The following SNTG2 variants were observed in gnomAD, a reference collection of about 807,000 sequenced individuals.
SNTG2 encodes gamma-2-syntrophin.
Under a neutral mutation model 70.9 loss-of-function variants are expected in SNTG2, and 74 were observed. The ratio of observed to expected loss-of-function variants is 1.04; its 90% CI spans 0.86 to 1.27. The LOEUF (loss-of-function observed/expected upper bound fraction) is 1.27, where lower values mean the gene tolerates loss of function less well. Ranked by LOEUF, SNTG2 falls within the 50% of genes most tolerant of loss-of-function variation. The pLI is 0.00. For missense variants in SNTG2, 717 were observed against 690.7 expected (o/e 1.04, Z -0.43); for synonymous variants, 278 against 273.8 (o/e 1.02, Z -0.15).
chr2:1,291,891 A>G (rs907156362), intron 14 of SNTG2, among the ~76,000 whole-genome samples: 3 of 152,164 alleles, frequency 2.0e-5, no homozygotes, highest in Non-Finnish European at 4.4e-5. Flanking sequence ...GGATTTTGAT[A>G]ATGACTGCAT....
In SNTG2 at chr2:1,097,907, G is replaced by T. The variant is rs1274323193; in HGVS notation, c.211-289G>T. On this transcript the variant is annotated intron_variant, in intron 2 of 16. Coordinates refer to ENST00000308624, the MANE Select transcript of SNTG2 (RefSeq NM_018968.4). This position sits in a 1 kb window ranked among gnomAD's most constrained non-coding sequence, Gnocchi z 4.1. ...ACCCCTCGTTTCTTCATGGAGCTCC[G>T]TTCCTCACAAGCAGAATGCAGACGG... Among the ~76,000 whole-genome samples the T allele has an allele frequency of 1.3e-5, 2 of 151,678 alleles. No individual in the cohort carries two copies. Among genetic ancestry groups the T allele is most frequent in the Admixed American group, 1.3e-4 (2 of 15,224 alleles).
chr2:1,195,347 T>C (rs1358631182), intron 8 of SNTG2, among the ~76,000 whole-genome samples: 1 of 152,178 alleles, frequency 6.6e-6, no homozygotes, highest in Non-Finnish European at 1.5e-5. Context: ...CCACCAACAG[T>C]GTAAAAGCGT....
intron 9 of SNTG2, among the ~76,000 whole-genome samples, chr2:1,232,930 TTAAAG>T (rs1344915732): frequency 2.6e-5 from 4 of 152,286 alleles, no homozygotes; most frequent in Non-Finnish European, 4.4e-5. Flanking sequence ...GCATGAAGGC[TTAAAG>T]TAAACAGGCA....
At chr2:1,017,386 C>T (rs1659929480) in intron 1 of SNTG2, among the ~76,000 whole-genome samples, 1 of 151,372 alleles carries the variant, frequency 6.6e-6, no homozygotes, top group African/African-American at 2.5e-5. Flanking sequence ...CGTATACACA[C>T]ATACACATGC....
intron 4 of SNTG2, among the ~76,000 whole-genome samples, chr2:1,126,945 T>C (rs540363315): frequency 6.6e-6 from 1 of 152,222 alleles, no homozygotes; most frequent in Non-Finnish European, 1.5e-5. Context: ...TTTCCTTTGC[T>C]GTGCAGAACC....
intron 1 of SNTG2, among the ~76,000 whole-genome samples, chr2:970,951 A>G (rs1161636839): frequency 6.6e-6 from 1 of 152,240 alleles, no homozygotes; most frequent in Non-Finnish European, 1.5e-5. Flanking sequence ...ACAGTGAGAT[A>G]TCATCTCACA....
At chr2:1,196,432 G>T (rs1350373891) in intron 8 of SNTG2, among the ~76,000 whole-genome samples, 3 of 152,106 alleles carry the variant, frequency 2.0e-5, no homozygotes, top group Non-Finnish European at 2.9e-5. Flanking sequence ...GGGAAGAGAT[G>T]AGCAAAGGCA....
chr2:1,154,912 C>T (rs1669757530), intron 6 of SNTG2, among the ~76,000 whole-genome samples: 1 of 149,700 alleles, frequency 6.7e-6, no homozygotes, highest in South Asian at 2.1e-4. Flanking sequence ...ACCACATACA[C>T]ACACACAACA....
chr2:1,146,738 A>G (rs1416180484), intron 6 of SNTG2, among the ~76,000 whole-genome samples: 1 of 152,236 alleles, frequency 6.6e-6, no homozygotes, highest in Admixed American at 6.5e-5. Flanking sequence ...ATAGAACCAC[A>G]TAAATATAGT....
chr2:1,324,244 GT>G (rs1392885248), intron 16 of SNTG2, among the ~76,000 whole-genome samples: 1 of 152,224 alleles, frequency 6.6e-6, no homozygotes, highest in Non-Finnish European at 1.5e-5. Flanking sequence ...AGTTGGGACA[GT>G]GTTGCAGAGT....
At chr2:1,314,459 G>C (rs949324027) in intron 15 of SNTG2, among the ~76,000 whole-genome samples, 57 of 152,274 alleles carry the variant, frequency 3.7e-4, no homozygotes, top group Non-Finnish European at 1.2e-4. Context: ...TTGGTGTGGA[G>C]TGTGGGAAGA....
intron 14 of SNTG2, among the ~76,000 whole-genome samples, chr2:1,290,705 A>ACC (rs1679956470): frequency 6.6e-6 from 1 of 151,960 alleles, no homozygotes; most frequent in Admixed American, 6.6e-5. Flanking sequence ...ATTAGAAACC[A>ACC]CCCCCATGAT....
Position 1,331,768 on chromosome 2 carries a change from A to AG in SNTG2, c.1488+15394dup, listed in dbSNP as rs555987401. Among the ~76,000 whole-genome samples the AG allele has an allele frequency of 7.2e-5, 11 of 152,282 alleles. No individual in the cohort carries two copies. The South Asian group carries it at 1.5e-3, about 20-fold the overall frequency. On this transcript the variant is annotated intron_variant, in intron 16 of 16. Transcript: ENST00000308624. ...AAGTCATCGTTTTCTTATTTTAAGG[A>AG]GTAAAGGTATGATAAGCCTGCCAGA...
At chr2:1,277,661 A>G (rs550439882) in intron 14 of SNTG2, among the ~76,000 whole-genome samples, 11 of 152,338 alleles carry the variant, frequency 7.2e-5, no homozygotes, top group Non-Finnish European at 1.5e-4. Context: ...GTGAATTTCA[A>G]CATGAGTTTT....
At chr2:1,277,045 G>A (rs181190311) in intron 14 of SNTG2, among the ~76,000 whole-genome samples, 94 of 152,312 alleles carry the variant, frequency 6.2e-4, no homozygotes, top group African/African-American at 2.1e-3. Context: ...TTACTCTTAT[G>A]GATAAGCAAA....
chr2:1,284,023 C>G (rs1679667369), intron 14 of SNTG2, among the ~76,000 whole-genome samples: 1 of 152,114 alleles, frequency 6.6e-6, no homozygotes, highest in African/African-American at 2.4e-5. Flanking sequence ...GCCGACCTGC[C>G]GTTGTGAAGA....
intron 9 of SNTG2, 21 bp downstream of exon 9, chr2:1,209,251 A>G (rs962227305): frequency 6.2e-7 from 1 of 1,613,772 alleles, no homozygotes; most frequent in Admixed American, 1.7e-5. Context: ...ATTGTCTGAG[A>G]TGGGAAACTT....
At chr2:1,152,302 T>G (rs942755167) in intron 6 of SNTG2, among the ~76,000 whole-genome samples, 1 of 151,996 alleles carries the variant, frequency 6.6e-6, no homozygotes, top group Non-Finnish European at 1.5e-5. Flanking sequence ...TGGTTAGGGC[T>G]CCACCAAAGA....
intron 16 of SNTG2, among the ~76,000 whole-genome samples, chr2:1,356,229 G>A (rs1427013251): frequency 1.3e-5 from 2 of 152,088 alleles, no homozygotes; most frequent in African/African-American, 4.8e-5. Context: ...TGTTGCCTGT[G>A]GTTATGGTGT....
Sources: allele counts gnomAD v4.1 joint callset (sites outside exome capture counted in the v4.1 genomes callset), GRCh38; gene constraint gnomAD v4.1.1; non-coding constraint Gnocchi (gnomAD v3.1); transcripts MANE v1.5; gene names NCBI Gene and HGNC (gene_info 2026-07-23, HGNC 2026-07-21).